Variants in SLC26A5 observed in about 807,000 individuals in gnomAD.
SLC26A5 encodes the protein prestin.
A neutral mutation model predicts 81.0 loss-of-function variants in SLC26A5; 51 were observed. The ratio of observed to expected loss-of-function variants is 0.63; its 90% CI spans 0.50 to 0.80. The LOEUF (loss-of-function observed/expected upper bound fraction) is 0.80, where lower values mean the gene tolerates loss of function less well. SLC26A5 is among the 30% of genes least tolerant of loss of function. SLC26A5 has a pLI of 0.00. For synonymous variants in SLC26A5, 325 were observed against 332.8 expected (o/e 0.98, Z 0.25); for missense variants, 771 against 905.8 (o/e 0.85, Z 1.91).
In SLC26A5 at chr7:103,376,951, C is replaced by T. The variant is rs996498361; in HGVS notation, c.1987-89G>A. The T allele has an allele frequency of 2.7e-5, 23 of 848,008 alleles. 1 individual carries two copies. The African/African-American group carries it at 3.7e-4, about 14-fold the overall frequency. The allele number at this position is 848,008 out of a possible 1,614,324, so 52.5% of individuals were successfully genotyped here. A position where few individuals can be genotyped will look rare whatever the true frequency, so the allele number is the denominator to read the frequency against. On this transcript the variant is annotated intron_variant, in intron 18 of 19. Coordinates refer to ENST00000306312, the MANE Select transcript of SLC26A5 (RefSeq NM_198999.3). Reference sequence around the variant, plus strand: ...TACCAATGTTTTTCGTGATAGAAGACACTCTAATTCATTCACTTGAGCTAC... The same window carrying T: ...TACCAATGTTTTTCGTGATAGAAGATACTCTAATTCATTCACTTGAGCTAC...
At chr7:103,416,413 A>G (rs1270200700) in intron 4 of SLC26A5, among the ~76,000 whole-genome samples, 1 of 152,242 alleles carries the variant, frequency 6.6e-6, no homozygotes, top group Non-Finnish European at 1.5e-5. Context: ...AACAAAGTAG[A>G]GAAGGGAACA....
chr7:103,405,835 C>T (rs1405872560), intron 8 of SLC26A5, among the ~76,000 whole-genome samples: 1 of 152,158 alleles, frequency 6.6e-6, no homozygotes, highest in African/African-American at 2.4e-5. Flanking sequence ...ATCTATAAGC[C>T]CCTGATTGTG....
At chr7:103,422,738 C>T (rs1265573479) in intron 2 of SLC26A5, among the ~76,000 whole-genome samples, 1 of 152,122 alleles carries the variant, frequency 6.6e-6, no homozygotes, top group Non-Finnish European at 1.5e-5. Flanking sequence ...CATGATTGTA[C>T]TTGTCTGTAC....
chr7:103,416,761 C>T (rs975012370), intron 4 of SLC26A5, among the ~76,000 whole-genome samples: 3 of 151,944 alleles, frequency 2.0e-5, no homozygotes, highest in Non-Finnish European at 1.5e-5. Context: ...CATTTTCTTC[C>T]TCCTTGCTAG....
chr7:103,390,534 G>A (rs973948509), intron 11 of SLC26A5, 28 bp from the exon 12 acceptor site: 3 of 1,583,792 alleles, frequency 1.9e-6, no homozygotes, highest in Non-Finnish European at 2.6e-6. Flanking sequence ...CATGGAAGGG[G>A]CTTTTAGGAG....
chr7:103,402,568 T>A (rs1823689124), intron 8 of SLC26A5, among the ~76,000 whole-genome samples: 1 of 151,864 alleles, frequency 6.6e-6, no homozygotes, highest in Non-Finnish European at 1.5e-5. Context: ...TCTGGCTAAT[T>A]TTTTTTATTT....
chr7:103,407,910 C>G lies in SLC26A5; in HGVS notation c.829G>C (p.Glu277Gln), dbSNP rs772795899. The G allele has an allele frequency of 6.2e-7, 1 of 1,614,202 alleles. No individual in the cohort carries two copies. Among genetic ancestry groups the G allele is most frequent in the Non-Finnish European group, 8.5e-7 (1 of 1,180,032 alleles). ...MVFGLLLGGK[E>Q]FNERFKEKLP... ...TTCTCTTTAAATCTCTCATTAAACT[C>G]CTTGCCACCCAACAGCAAACCAAAA... Residue 277 changes from glutamate to glutamine, a missense_variant, in exon 8 of 20, where the codon GAG (glutamate) becomes CAG (glutamine). Transcript: ENST00000306312.
Position 103,367,393 on chromosome 7 carries a change from C to G in SLC26A5, c.2041+9415G>C. 1 of 1,612,052 alleles carries G rather than the reference C, an allele frequency of 6.2e-7. No homozygotes were observed. Among genetic ancestry groups the G allele is most frequent in the East Asian group, 2.2e-5 (1 of 44,862 alleles). On this transcript the variant is annotated intron_variant, in intron 19 of 19. Transcript: ENST00000339444. The surrounding 1 kb of genome is among the most constrained non-coding windows in gnomAD (Gnocchi z 6.1). ...TCTTGAGTGGACTTGAAGAGCTTAT[C>G]TTTCCTTTTGTCTTCTCAGGGGCTC...
chr7:103,363,332 TC>T (rs1820521840), intron 19 of SLC26A5: 1 of 1,596,744 alleles, frequency 6.3e-7, no homozygotes, highest in South Asian at 1.1e-5. Context: ...TACATTTCTG[TC>T]CCTCTCTTAG....
chr7:103,388,752 A>G (rs1822407329), intron 14 of SLC26A5: 1 of 411,074 alleles, frequency 2.4e-6, no homozygotes. Context: ...GATGGAAATT[A>G]GGCTCTTTTA....
At chr7:103,406,574 C>T (rs923201234) in intron 8 of SLC26A5, among the ~76,000 whole-genome samples, 1 of 152,160 alleles carries the variant, frequency 6.6e-6, no homozygotes, top group Non-Finnish European at 1.5e-5. Flanking sequence ...AGAAATCACC[C>T]ACCTTCTGTG....
chr7:103,393,287 G>T (rs766196796), intron 9 of SLC26A5, among the ~76,000 whole-genome samples: 1 of 152,124 alleles, frequency 6.6e-6, no homozygotes, highest in Non-Finnish European at 1.5e-5. Flanking sequence ...ACCTGGATGG[G>T]TTATCAGAAG....
chr7:103,364,471 T>G (rs1044701673), intron 19 of SLC26A5, among the ~76,000 whole-genome samples: 2 of 152,166 alleles, frequency 1.3e-5, no homozygotes, highest in Non-Finnish European at 2.9e-5. Flanking sequence ...TGCAGTGACA[T>G]GATCTCAGCT....
intron 14 of SLC26A5, among the ~76,000 whole-genome samples, chr7:103,381,017 ACAC>A (rs1280892385): frequency 6.6e-6 from 1 of 151,644 alleles, no homozygotes; most frequent in African/African-American, 2.4e-5. Context: ...ATGCATACAC[ACAC>A]AATGCACACA....
At chr7:103,362,324 G>T in intron 19 of SLC26A5, 1 of 1,371,466 alleles carries the variant, frequency 7.3e-7, no homozygotes, top group African/African-American at 1.5e-5. Flanking sequence ...AAATTTCAGA[G>T]TTGAGGTTAC....
At chr7:103,397,858 A>T in intron 9 of SLC26A5, 74 bp downstream of exon 9, 1 of 1,072,574 alleles carries the variant, frequency 9.3e-7, no homozygotes, top group Non-Finnish European at 1.5e-6. Context: ...TTGCAAGAGA[A>T]CTAATGTAAG....
chr7:103,385,390 T>C (rs905915008), intron 14 of SLC26A5, among the ~76,000 whole-genome samples: 6 of 152,132 alleles, frequency 3.9e-5, no homozygotes, highest in African/African-American at 1.4e-4. Context: ...TGCTTTGGCC[T>C]CCCAAAGTGC....
At chr7:103,411,047 C>T (rs754047478) in intron 6 of SLC26A5, among the ~76,000 whole-genome samples, 4 of 152,084 alleles carry the variant, frequency 2.6e-5, no homozygotes, top group South Asian at 2.1e-4. Context: ...CCCCACAGTG[C>T]GCTGACCACA....
chr7:103,399,993 C>A (rs1823453513), intron 8 of SLC26A5, among the ~76,000 whole-genome samples: 1 of 151,920 alleles, frequency 6.6e-6, no homozygotes, highest in African/African-American at 2.4e-5. Flanking sequence ...GGGTTGGTTC[C>A]AAGTCTTTGC....
Sources: allele counts gnomAD v4.1 joint callset (sites outside exome capture counted in the v4.1 genomes callset), GRCh38; gene constraint gnomAD v4.1.1; non-coding constraint Gnocchi (gnomAD v3.1); transcripts MANE v1.5; gene names NCBI Gene and HGNC (gene_info 2026-07-23, HGNC 2026-07-21).